Variants in ADAM17 observed in about 807,000 individuals in gnomAD.
ADAM17 encodes ADAM metallopeptidase domain 17.
In ADAM17, 39 loss-of-function variants were observed where a neutral mutation model predicts 96.7. The observed-to-expected ratio is 0.40, with a 90% CI of 0.31 to 0.53. The LOEUF (loss-of-function observed/expected upper bound fraction) is 0.53. Among genes scored for constraint, ADAM17 ranks in the 20% least tolerant of loss-of-function variants. ADAM17 has a pLI of 0.44. For synonymous variants in ADAM17, 344 were observed against 359.2 expected, an observed-to-expected ratio of 0.96 and a Z score of 0.48; for missense variants, 777 against 1,013.2, an observed-to-expected ratio of 0.77 and a Z score of 3.17.
intron 10 of ADAM17, chr2:9,512,244 T>A (rs1406421538): frequency 7.4e-6 from 1 of 135,910 alleles, no homozygotes; most frequent in Non-Finnish European, 1.6e-5. Context: ...ATTAGTGGAT[T>A]TGCTAATGAC....
At chr2:9,509,498 A>G (rs1443277611) in intron 11 of ADAM17, among the ~76,000 whole-genome samples, 1 of 152,206 alleles carries the variant, frequency 6.6e-6, no homozygotes, top group African/African-American at 2.4e-5. Context: ...AGAGCTATGA[A>G]TAAGATAGAG....
At chr2:9,498,033 TTTTA>T (rs1420544713) in intron 13 of ADAM17, among the ~76,000 whole-genome samples, 2 of 152,198 alleles carry the variant, frequency 1.3e-5, no homozygotes, top group Non-Finnish European at 2.9e-5. Flanking sequence ...CAATTATTCT[TTTTA>T]TTTTTCTTTT....
At chr2:9,526,019 G>T in intron 6 of ADAM17, 92 bp downstream of exon 6, 1 of 1,157,410 alleles carries the variant, frequency 8.6e-7, no homozygotes, top group Non-Finnish European at 1.2e-6. Flanking sequence ...AAATAACAGA[G>T]TATCTGGAAC....
chr2:9,523,630 C>T (rs1664401338), intron 6 of ADAM17, among the ~76,000 whole-genome samples: 1 of 152,122 alleles, frequency 6.6e-6, no homozygotes. Flanking sequence ...TTTAAAACTA[C>T]CGTTTCAGCC....
intron 1 of ADAM17, among the ~76,000 whole-genome samples, chr2:9,545,809 T>C (rs1665385107): frequency 1.3e-5 from 2 of 152,038 alleles, no homozygotes; most frequent in African/African-American, 2.4e-5. Flanking sequence ...TTTAAGAACA[T>C]GGGGCTGAGG....
chr2:9,542,885 G>C (rs1024651964), intron 2 of ADAM17, among the ~76,000 whole-genome samples: 4 of 151,976 alleles, frequency 2.6e-5, no homozygotes, highest in African/African-American at 9.7e-5. Context: ...GTAGAGACGG[G>C]GTTTTGCCAT....
chr2:9,513,598 G>A (rs59417192), intron 10 of ADAM17, among the ~76,000 whole-genome samples: 9,733 of 151,994 alleles, frequency 0.064, 1,098 homozygotes, highest in African/African-American at 0.22. Context: ...TATGTAGGGG[G>A]AAATCCCCAC....
rs754676488 is a variant in ADAM17, at chr2:9,502,189, G to A, written c.1632C>T (p.Gly544=). 8.7e-6 allele frequency: 14 copies of A among 1,613,984 alleles called. No homozygotes were observed. Among genetic ancestry groups the A allele is most frequent in the Admixed American group, 8.3e-5 (5 of 59,998 alleles). ...CQEAINATCK[G]VSYCTGNSSE... is the part of the protein sequence containing the mutation. Reference sequence around the variant, plus strand: ...AACACGAACCTGTGCAGTAGGACACGCCTTTGCAAGTAGCATTAATCGCCT... The same window carrying A: ...AACACGAACCTGTGCAGTAGGACACACCTTTGCAAGTAGCATTAATCGCCT... The change falls in exon 13 of 19, where the codon GGC becomes GGT. Residue 544 remains glycine (G), a synonymous_variant. Coordinates refer to ENST00000310823, the MANE Select transcript of ADAM17 (RefSeq NM_003183.6).
intron 17 of ADAM17, among the ~76,000 whole-genome samples, chr2:9,491,642 C>G (rs762903926): frequency 6.6e-6 from 1 of 152,226 alleles, no homozygotes; most frequent in Non-Finnish European, 1.5e-5. Context: ...GCTGGAGGAA[C>G]TGGGCCTCAA....
At chr2:9,547,540 C>A (rs1217052899) in intron 1 of ADAM17, among the ~76,000 whole-genome samples, 2 of 152,050 alleles carry the variant, frequency 1.3e-5, no homozygotes, top group Admixed American at 6.6e-5. Flanking sequence ...AAAGGAGAGG[C>A]CTTAGGTCAA....
At position 9,521,328 on chromosome 2, in the gene ADAM17, G is replaced by A; in HGVS notation, c.844-12C>T. On this transcript the variant is annotated splice_polypyrimidine_tract_variant and intron_variant, in intron 7 of 18. Coordinates refer to ENST00000310823, the MANE Select transcript of ADAM17 (RefSeq NM_003183.6). The stretch of plus-strand genomic sequence containing the variant: ...TTGAGAATGCGAATCTATACTTAAA[G>A]AGATCATATACTTAGAACACTTCCA... 1 of 1,540,092 alleles carries A rather than the reference G, an allele frequency of 6.5e-7. No individual in the cohort carries two copies.
intron 1 of ADAM17, among the ~76,000 whole-genome samples, chr2:9,554,221 G>C (rs1374173642): frequency 6.6e-6 from 1 of 152,056 alleles, no homozygotes; most frequent in Admixed American, 6.5e-5. Context: ...GTTGTGTCAG[G>C]GTGGTGCAAA....
intron 15 of ADAM17, 22 bp from the exon 16 acceptor site, chr2:9,493,847 A>T (rs1662350922): frequency 6.3e-7 from 1 of 1,588,860 alleles, no homozygotes; most frequent in African/African-American, 1.3e-5. Flanking sequence ...AAACATACAT[A>T]CAGCATCATT....
chr2:9,490,372 G>GTCCATTC lies in ADAM17; in HGVS notation c.2273_2279dup (p.Asp760GlufsTer21). 6.2e-7 allele frequency: 1 copy of GTCCATTC among 1,614,184 alleles called. No homozygotes were observed. The highest frequency in any genetic ancestry group is 8.5e-7 in the Non-Finnish European group (1 of 1,180,036). On this transcript the variant is annotated frameshift_variant, in exon 19 of 19. Transcript: ENST00000310823. LOFTEE classifies it high-confidence loss of function. ...CTGTGCTGGGGTCTTCCTGGATGGT[G>GTCCATTC]TCCATTCTCTGGTGGTCCAGTTTTG...
At chr2:9,513,608 C>G (rs1327299031) in intron 10 of ADAM17, among the ~76,000 whole-genome samples, 2 of 152,200 alleles carry the variant, frequency 1.3e-5, no homozygotes, top group African/African-American at 4.8e-5. Context: ...GAAATCCCCA[C>G]ACGTTTGGTC....
At chr2:9,504,619 C>G (rs62117541) in intron 12 of ADAM17, among the ~76,000 whole-genome samples, 12,996 of 150,652 alleles carry the variant, frequency 0.086, 615 homozygotes, top group African/African-American at 0.12. Context: ...AAAAATTAGC[C>G]GGGCATGGTG....
chr2:9,501,664 C>T (rs975157385), intron 13 of ADAM17, among the ~76,000 whole-genome samples: 2 of 152,198 alleles, frequency 1.3e-5, no homozygotes, highest in Non-Finnish European at 2.9e-5. Flanking sequence ...TTCCTCCACA[C>T]TATTCCAGTG....
rs557337764 is a variant in ADAM17, at chr2:9,532,558, G to A, written c.450+3276C>T. On this transcript the variant is annotated intron_variant, in intron 4 of 18. Coordinates refer to ENST00000310823, the MANE Select transcript of ADAM17 (RefSeq NM_003183.6). ...ACAATCTCAGCTCACTGCAGTCTCC[G>A]CCTTCCGAATTCAACTGATCCTACT... Among the ~76,000 whole-genome samples, 14 of 151,794 alleles carry A rather than the reference G, an allele frequency of 9.2e-5. No individual in the cohort carries two copies. The South Asian group carries it at 1.5e-3, about 16-fold the overall frequency.
Position 9,494,618 on chromosome 2 carries a change from G to A in ADAM17, c.1914+19C>T. On this transcript the variant is annotated intron_variant, in intron 15 of 18. Transcript: ENST00000310823. ...TTCCTATCTGGCTGTTACAGAAAAA[G>A]CTGTACATAAATACTCACATTCATG... 6.2e-7 allele frequency: 1 copy of A among 1,610,572 alleles called. No individual in the cohort carries two copies. The highest frequency in any genetic ancestry group is 8.5e-7 in the Non-Finnish European group (1 of 1,178,846).
Sources: gnomAD v4.1 joint callset for allele counts (sites outside exome capture counted in the v4.1 genomes callset) on GRCh38, gnomAD v4.1.1 for gene constraint, MANE v1.5 for transcripts, NCBI Gene and HGNC (gene_info 2026-07-23, HGNC 2026-07-21) for gene names.